The following ZSCAN12 variants were observed in gnomAD, a reference collection of about 807,000 sequenced individuals.
ZSCAN12 encodes zinc finger and SCAN domain-containing protein 12.
Under a neutral mutation model 23.4 loss-of-function variants are expected in ZSCAN12, and 18 were observed. That is an observed-to-expected ratio of 0.77 (90% CI 0.53 to 1.14). The LOEUF (loss-of-function observed/expected upper bound fraction) is 1.14, where lower values mean the gene tolerates loss of function less well. Among genes scored for constraint, ZSCAN12 ranks in the 50% most tolerant of loss-of-function variants. The probability of loss-of-function intolerance (pLI) is 0.00; values close to 1 mark genes in which losing one functional copy is unlikely to be tolerated. For missense variants in ZSCAN12, 650 were observed against 735.0 expected (o/e 0.88, Z 1.34); for synonymous variants, 186 against 253.4 (o/e 0.73, Z 2.53).
chr6:28,392,847 A>G, intron 3 of ZSCAN12, 55 bp downstream of exon 3: 4 of 1,532,202 alleles, frequency 2.6e-6, no homozygotes, highest in South Asian at 1.2e-5. Flanking sequence ...AAAAGCCCCA[A>G]TGTCCTATGT....
At chr6:28,396,061 C>T (rs552216701) in intron 2 of ZSCAN12, among the ~76,000 whole-genome samples, 1 of 149,844 alleles carries the variant, frequency 6.7e-6, no homozygotes. Flanking sequence ...ACTGTGTCGC[C>T]CAGGCTGGAG....
Position 28,391,434 on chromosome 6 carries a change from G to A in ZSCAN12, c.856C>T (p.His286Tyr). Residue 286 changes from histidine (H) to tyrosine (Y), a missense_variant, in exon 4 of 4, where the codon CAC becomes TAC. His to Tyr is a moderately conservative substitution (Grantham distance 83). Coordinates refer to ENST00000684592, the MANE Select transcript of ZSCAN12 (RefSeq NM_001163391.2). This position sits in a 1 kb window ranked among gnomAD's most constrained non-coding sequence, Gnocchi z 4.1. ...CTCTGATGTTCTATGAGGTGTGAGT[G>A]CTGACTAAAAGCTTTTCCACAGTCA... ...CDDCGKAFSQ[H>Y]SHLIEHQRIH... The A allele has an allele frequency of 6.4e-7, 1 of 1,551,734 alleles. No individual in the cohort carries two copies. Among genetic ancestry groups the A allele is most frequent in the Non-Finnish European group, 8.7e-7 (1 of 1,146,954 alleles).
chr6:28,386,875 G>A lies in ZSCAN12; in HGVS notation c.*3579C>T, dbSNP rs1222778316. Reference sequence around the variant, plus strand: ...ATGGAGTCTTGCTCTGTCACCAGGCGGGAGAGCAGTGGTGCCATCTCAGCT... The same window carrying A: ...ATGGAGTCTTGCTCTGTCACCAGGCAGGAGAGCAGTGGTGCCATCTCAGCT... On this transcript the variant is annotated 3_prime_UTR_variant, in exon 4 of 4. Coordinates refer to ENST00000684592, the MANE Select transcript of ZSCAN12 (RefSeq NM_001163391.2). Among the ~76,000 whole-genome samples the A allele has an allele frequency of 6.6e-6, 1 of 152,024 alleles. No individual in the cohort carries two copies. Among genetic ancestry groups the A allele is most frequent in the Admixed American group, 6.6e-5 (1 of 15,262 alleles).
chr6:28,388,739 G>A lies in ZSCAN12; in HGVS notation c.*1715C>T, dbSNP rs1243673688. The stretch of plus-strand genomic sequence containing the variant: ...AAACCCACTAACCAGCTAGAAGTGT[G>A]AAGAGAAGAGAGGACTGGAGTTGTG... On this transcript the variant is annotated 3_prime_UTR_variant, in exon 4 of 4. Transcript: ENST00000684592. Among the ~76,000 whole-genome samples the A allele has an allele frequency of 1.3e-5, 2 of 152,216 alleles. No homozygotes were observed. The highest frequency in any genetic ancestry group is 4.8e-5 in the African/African-American group (2 of 41,448).
rs70983941 is a variant in ZSCAN12 at position 28,396,019 on chromosome 6, AT to A, written c.402+1984del. ...ACCTACATCTTGTAGGTGTTTGTTGATTTTTTTTTTTTTTTTTGGAGATAGG... is the reference window on the plus strand; with the variant it reads ...ACCTACATCTTGTAGGTGTTTGTTGATTTTTTTTTTTTTTTTGGAGATAGG... On this transcript the variant is annotated intron_variant, in intron 2 of 3. Transcript: ENST00000684592. Among the ~76,000 whole-genome samples, 879 of 132,092 alleles carry A rather than the reference AT, an allele frequency of 6.7e-3. 3 individuals are homozygous for A. The highest frequency in any genetic ancestry group is 0.013 in the African/African-American group (463 of 34,594). 86.7% of individuals were successfully genotyped at this position (132,092 alleles called of 152,430 possible).
At position 28,398,246 on chromosome 6, in the gene ZSCAN12, A is replaced by G. The variant is rs1761221511; in HGVS notation, c.160T>C (p.Tyr54His). 6.2e-7 allele frequency: 1 copy of G among 1,613,824 alleles called. No homozygotes were observed. Among genetic ancestry groups the G allele is most frequent in the Non-Finnish European group, 8.5e-7 (1 of 1,179,942 alleles). Residue 54 changes from tyrosine to histidine, a missense_variant, in exon 2 of 4, where the codon TAC (tyrosine) becomes CAC (histidine). Transcript: ENST00000684592. Reference protein sequence around the residue: ...VFRQYFRQFCYQETSGPREAL... With the variant: ...VFRQYFRQFCHQETSGPREAL... The stretch of plus-strand genomic sequence containing the variant: ...TCACGGGGACCAGATGTCTCCTGGT[A>G]GCAGAACTGTCTGAAGTACTGACGG...
intron 2 of ZSCAN12, among the ~76,000 whole-genome samples, chr6:28,396,011 GTT>G (rs1375157248): frequency 7.0e-6 from 1 of 142,780 alleles, no homozygotes; most frequent in Non-Finnish European, 1.5e-5. Flanking sequence ...TCTTGTAGGT[GTT>G]TGTTGATTTT....
In ZSCAN12 at chr6:28,384,763, T is replaced by A. The variant is rs1760459284; in HGVS notation, c.*5691A>T. 1.3e-5 allele frequency among the ~76,000 whole-genome samples: 2 copies of A among 152,224 alleles called. No homozygotes were observed. Among genetic ancestry groups the A allele is most frequent in the African/African-American group, 4.8e-5 (2 of 41,458 alleles). The stretch of plus-strand genomic sequence containing the variant: ...TACTTTTTACACATTTATATATATA[T>A]GTAGAAATACTATACAAGTAAAAAA... On this transcript the variant is annotated 3_prime_UTR_variant, in exon 4 of 4. Transcript: ENST00000684592.
rs1369759383 is a variant in ZSCAN12, at chr6:28,386,519, A to G, written c.*3935T>C. 6.6e-6 allele frequency among the ~76,000 whole-genome samples: 1 copy of G among 152,210 alleles called. No individual in the cohort carries two copies. Among genetic ancestry groups the G allele is most frequent in the African/African-American group, 2.4e-5 (1 of 41,452 alleles). ...GTCACACCACATCTATATGTTATCC[A>G]CAAAATGTACTCCTGACTTCATCAC... On this transcript the variant is annotated 3_prime_UTR_variant, in exon 4 of 4. Transcript: ENST00000684592.
rs1477277261 is a variant in ZSCAN12 at position 28,390,896 on chromosome 6, CCA to C, written c.1392_1393del (p.Glu466LysfsTer6). On this transcript the variant is annotated frameshift_variant, in exon 4 of 4. Transcript: ENST00000684592. LOFTEE classifies it low-confidence loss of function (END_TRUNC). ...TACGTCACATTTGTAGGGTTTTTCC[CCA>C]GTGTGAATTCTCTGATGCTGAATAA... 3.8e-6 allele frequency: 6 copies of C among 1,570,322 alleles called. No individual in the cohort carries two copies. The South Asian group carries it at 7.0e-5, about 18-fold the overall frequency.
chr6:28,393,176 T>G (rs1365599260), intron 2 of ZSCAN12, 130 bp from the exon 3 acceptor site: 10 of 928,254 alleles, frequency 1.1e-5, no homozygotes, highest in Non-Finnish European at 1.4e-5. Flanking sequence ...ACCCTACCCA[T>G]TCTTCAAGGC....
Position 28,398,252 on chromosome 6 carries a change from A to G in ZSCAN12, c.154T>C (p.Phe52Leu), listed in dbSNP as rs766066489. 2 of 1,613,612 alleles carry G rather than the reference A, an allele frequency of 1.2e-6. No individual in the cohort carries two copies. The highest frequency in any genetic ancestry group is 1.7e-6 in the Non-Finnish European group (2 of 1,179,822). ...GGACCAGATGTCTCCTGGTAGCAGAACTGTCTGAAGTACTGACGGAAGACC... is the reference window on the plus strand; with the variant it reads ...GGACCAGATGTCTCCTGGTAGCAGAGCTGTCTGAAGTACTGACGGAAGACC... Reference protein sequence around the residue: ...REVFRQYFRQFCYQETSGPRE... With the variant: ...REVFRQYFRQLCYQETSGPRE... Residue 52 changes from phenylalanine to leucine, a missense_variant, in exon 2 of 4, where the codon TTC becomes CTC. Phe to Leu is a conservative substitution (Grantham distance 22). Transcript: ENST00000684592.
rs1182978260 is a variant in ZSCAN12, at chr6:28,386,851, T to C, written c.*3603A>G. On this transcript the variant is annotated 3_prime_UTR_variant, in exon 4 of 4. Transcript: ENST00000684592. ...ATTTTTATTTTAATTTTTGTTGAGA[T>C]GGAGTCTTGCTCTGTCACCAGGCGG... 1.3e-5 allele frequency among the ~76,000 whole-genome samples: 2 copies of C among 152,214 alleles called. No homozygotes were observed. The highest frequency in any genetic ancestry group is 2.9e-5 in the Non-Finnish European group (2 of 68,044).
At position 28,389,931 on chromosome 6, in the gene ZSCAN12, T is replaced by G. The variant is rs1447530808; in HGVS notation, c.*523A>C. ...CTGTTTCCAACTTAATGCTATTGAT[T>G]GCCCAATTTGCACGAACCTTTTACT... is the stretch of plus-strand genomic sequence containing the variant. On this transcript the variant is annotated 3_prime_UTR_variant, in exon 4 of 4. Coordinates refer to ENST00000684592, the MANE Select transcript of ZSCAN12 (RefSeq NM_001163391.2). 6.6e-6 allele frequency among the ~76,000 whole-genome samples: 1 copy of G among 152,238 alleles called. No individual in the cohort carries two copies. Among genetic ancestry groups the G allele is most frequent in the Non-Finnish European group, 1.5e-5 (1 of 68,042 alleles).
At chr6:28,397,522 C>T (rs751263278) in intron 2 of ZSCAN12, among the ~76,000 whole-genome samples, 8 of 152,114 alleles carry the variant, frequency 5.3e-5, no homozygotes, top group Non-Finnish European at 7.3e-5. Flanking sequence ...CAAAGAAACA[C>T]AGATTCCCCA....
chr6:28,380,563 A>G (rs1760180487), downstream of ZSCAN12: 1 of 153,736 alleles, frequency 6.5e-6, no homozygotes. Flanking sequence ...ATGTGGCTGA[A>G]AACTTTCCCA....
downstream of ZSCAN12, chr6:28,382,663 G>A (rs1158923912): frequency 8.5e-6 from 13 of 1,536,842 alleles, no homozygotes; most frequent in Admixed American, 2.0e-5. Flanking sequence ...TACTTCTTTA[G>A]CCAAGAACTC....
rs1305921275 is a variant in ZSCAN12, at chr6:28,385,952, T to C, written c.*4502A>G. On this transcript the variant is annotated 3_prime_UTR_variant, in exon 4 of 4. Coordinates refer to ENST00000684592, the MANE Select transcript of ZSCAN12 (RefSeq NM_001163391.2). The stretch of plus-strand genomic sequence containing the variant: ...AACCTCATTATACAGTTGAGATGTC[T>C]CAATTTGGAGCCCTGCTCAATCCCA... Among the ~76,000 whole-genome samples, 1 of 152,218 alleles carries C rather than the reference T, an allele frequency of 6.6e-6. No homozygotes were observed. The highest frequency in any genetic ancestry group is 1.5e-5 in the Non-Finnish European group (1 of 68,034).
chr6:28,398,932 CAAA>C (rs369893339), intron 1 of ZSCAN12, among the ~76,000 whole-genome samples: 1 of 90,924 alleles, frequency 1.1e-5, no homozygotes, highest in Admixed American at 1.2e-4. Flanking sequence ...GACTCCGTCT[CAAA>C]AAAAAAAAAA....
Sources: allele counts gnomAD v4.1 joint callset (sites outside exome capture counted in the v4.1 genomes callset), GRCh38; gene constraint gnomAD v4.1.1; non-coding constraint Gnocchi (gnomAD v3.1); transcripts MANE v1.5; gene names NCBI Gene and HGNC (gene_info 2026-07-23, HGNC 2026-07-21).